The following FSTL5 variants were observed in gnomAD, a reference collection of about 807,000 sequenced individuals.
The protein encoded by FSTL5 is follistatin like 5, also known as follistatin-related protein 5.
FSTL5 carries 62 observed loss-of-function variants against 89.1 expected under a neutral mutation model. The ratio of observed to expected loss-of-function variants is 0.70; its 90% CI spans 0.57 to 0.86. The LOEUF is 0.86. FSTL5 is among the 40% of genes least tolerant of loss of function. The probability of loss-of-function intolerance (pLI) is 0.00; values close to 1 mark genes in which losing one functional copy is unlikely to be tolerated. For missense variants in FSTL5, 1,057 were observed against 1,001.6 expected (o/e 1.06, Z -0.75); for synonymous variants, 383 against 346.2 (o/e 1.11, Z -1.18).
chr4:161,959,733 A>G (rs755691745), intron 3 of FSTL5, among the ~76,000 whole-genome samples: 1 of 152,146 alleles, frequency 6.6e-6, no homozygotes, highest in Non-Finnish European at 1.5e-5. Context: ...TCTGCTCTCT[A>G]GAGTTCTGTG....
chr4:161,797,853 A>G (rs879305973), intron 4 of FSTL5, among the ~76,000 whole-genome samples: 3 of 151,702 alleles, frequency 2.0e-5, no homozygotes, highest in Non-Finnish European at 3.0e-5. Context: ...AAATATGTGA[A>G]AGAAATGCAA....
At chr4:161,750,733 T>C (rs1307684349) in intron 6 of FSTL5, among the ~76,000 whole-genome samples, 1 of 152,168 alleles carries the variant, frequency 6.6e-6, no homozygotes, top group Non-Finnish European at 1.5e-5. Flanking sequence ...GTCTCACTTA[T>C]ATGTGGAATC....
intron 15 of FSTL5, among the ~76,000 whole-genome samples, chr4:161,438,746 T>C (rs1732658979): frequency 6.6e-6 from 1 of 152,138 alleles, no homozygotes; most frequent in Admixed American, 6.5e-5. Flanking sequence ...AACTATGATA[T>C]TGCAAATGAT....
rs574937533 is a variant in FSTL5, at chr4:161,758,611, G to A, written c.727+800C>T. ...TTGGCTCACTGCAACCTCCGCCCCC[G>A]GGTTCAAGTGATTCTCCGGCCTCAG... On this transcript the variant is annotated intron_variant, in intron 6 of 15. Transcript: ENST00000306100. Among the ~76,000 whole-genome samples the A allele has an allele frequency of 5.3e-5, 8 of 152,164 alleles. No individual in the cohort carries two copies. The South Asian group carries it at 1.5e-3, about 28-fold the overall frequency.
In FSTL5 at chr4:162,052,489, G is replaced by C. The variant is rs138180548; in HGVS notation, c.127-18831C>G. On this transcript the variant is annotated intron_variant, in intron 2 of 15. Coordinates refer to ENST00000306100, the MANE Select transcript of FSTL5 (RefSeq NM_020116.5). Reference sequence around the variant, plus strand: ...AAAATATATGCTGCTGTTTGTGTGAGACTAGAGCATTTGAGTAGGAATAAT... The same window carrying C: ...AAAATATATGCTGCTGTTTGTGTGACACTAGAGCATTTGAGTAGGAATAAT... Among the ~76,000 whole-genome samples the C allele has an allele frequency of 9.2e-5, 14 of 151,716 alleles. No homozygotes were observed. The East Asian group carries it at 2.3e-3, about 25-fold the overall frequency.
At chr4:161,961,141 G>T (rs559483128) in intron 3 of FSTL5, among the ~76,000 whole-genome samples, 1 of 151,994 alleles carries the variant, frequency 6.6e-6, no homozygotes, top group South Asian at 2.1e-4. Flanking sequence ...AAAGAGATGA[G>T]GGCTTCTCTG....
At chr4:161,816,187 G>A (rs1161104128) in intron 4 of FSTL5, among the ~76,000 whole-genome samples, 1 of 152,118 alleles carries the variant, frequency 6.6e-6, no homozygotes, top group African/African-American at 2.4e-5. Context: ...ACCATACCAC[G>A]TGGCTGTCAC....
chr4:162,157,678 T>TTTCCACTTTAAA (rs2110756270), intron 1 of FSTL5, among the ~76,000 whole-genome samples: 1 of 152,278 alleles, frequency 6.6e-6, no homozygotes, highest in South Asian at 2.1e-4. Context: ...CCCTATACGC[T>TTTCCACTTTAAA]TTCCACTTTA....
At chr4:161,962,298 T>C (rs1479673753) in intron 3 of FSTL5, among the ~76,000 whole-genome samples, 1 of 151,966 alleles carries the variant, frequency 6.6e-6, no homozygotes, top group African/African-American at 2.4e-5. Flanking sequence ...CTGGTTACCT[T>C]TTCAATTATT....
chr4:161,775,757 T>C (rs1741385677), intron 5 of FSTL5, 121 bp downstream of exon 5: 1 of 508,200 alleles, frequency 2.0e-6, no homozygotes, highest in Non-Finnish European at 3.4e-6. Context: ...TTGTTATTCA[T>C]ATACTTTTCA....
At chr4:161,615,293 C>CAGAAAAAAA (rs1734815138) in intron 7 of FSTL5, among the ~76,000 whole-genome samples, 1 of 26,456 alleles carries the variant, frequency 3.8e-5, no homozygotes, top group African/African-American at 1.4e-4. Flanking sequence ...GACTCTGTCT[C>CAGAAAAAAA]AAAAAAAAAA....
At chr4:161,753,776 C>T (rs1418329930) in intron 6 of FSTL5, among the ~76,000 whole-genome samples, 1 of 152,082 alleles carries the variant, frequency 6.6e-6, no homozygotes, top group Non-Finnish European at 1.5e-5. Context: ...GGCGCGGTGG[C>T]TCACGCCTGC....
In FSTL5 at chr4:161,384,063, A is replaced by G. The variant is rs1049119201; in HGVS notation, c.*1684T>C. The G allele has an allele frequency of 6.6e-6, 1 of 152,202 alleles. No individual in the cohort carries two copies. Among genetic ancestry groups the G allele is most frequent in the Non-Finnish European group, 1.5e-5 (1 of 68,014 alleles). 9.4% of individuals were successfully genotyped at this position (152,202 alleles called of 1,614,324 possible). A position where few individuals can be genotyped will look rare whatever the true frequency, so the allele number is the denominator to read the frequency against. The stretch of plus-strand genomic sequence containing the variant: ...TTCACAAGGAAGAAAATTGCTAAAA[A>G]GTAAAGCAGATTCAATAAGTAGAAA... On this transcript the variant is annotated 3_prime_UTR_variant, in exon 16 of 16. Coordinates refer to ENST00000306100, the MANE Select transcript of FSTL5 (RefSeq NM_020116.5).
intron 4 of FSTL5, among the ~76,000 whole-genome samples, chr4:161,777,623 T>G (rs982250716): frequency 6.6e-6 from 1 of 152,172 alleles, no homozygotes; most frequent in Non-Finnish European, 1.5e-5. Flanking sequence ...TGGTATATAA[T>G]GTGATATATA....
intron 3 of FSTL5, among the ~76,000 whole-genome samples, chr4:162,004,995 T>C (rs1207965152): frequency 6.6e-6 from 1 of 152,158 alleles, no homozygotes; most frequent in African/African-American, 2.4e-5. Flanking sequence ...TGTTTTGTAT[T>C]ATCCTTATAA....
At chr4:161,468,792 G>T (rs994764515) in intron 13 of FSTL5, among the ~76,000 whole-genome samples, 2 of 151,876 alleles carry the variant, frequency 1.3e-5, no homozygotes, top group African/African-American at 4.8e-5. Flanking sequence ...TTTATTATCT[G>T]TAAGACTGTG....
chr4:161,651,854 T>C (rs973486912), intron 7 of FSTL5, among the ~76,000 whole-genome samples: 4 of 152,224 alleles, frequency 2.6e-5, no homozygotes, highest in Non-Finnish European at 5.9e-5. Flanking sequence ...GGTATGCTTT[T>C]ATTCATTTGG....
chr4:161,747,736 G>A (rs1042104948), intron 6 of FSTL5, among the ~76,000 whole-genome samples: 1 of 152,174 alleles, frequency 6.6e-6, no homozygotes, highest in Non-Finnish European at 1.5e-5. Context: ...TTTACAATGA[G>A]TGCATTGCAG....
At chr4:161,968,240 G>A (rs927712778) in intron 3 of FSTL5, among the ~76,000 whole-genome samples, 1 of 152,004 alleles carries the variant, frequency 6.6e-6, no homozygotes, top group African/African-American at 2.4e-5. Flanking sequence ...GCAAAATTCA[G>A]TGTTTGGCAG....
Sources: allele counts gnomAD v4.1 joint callset (sites outside exome capture counted in the v4.1 genomes callset), GRCh38; gene constraint gnomAD v4.1.1; transcripts MANE v1.5; gene names NCBI Gene and HGNC (gene_info 2026-07-23, HGNC 2026-07-21).